The following PKP4 variants were observed in gnomAD, a reference collection of about 807,000 sequenced individuals.
PKP4 encodes the protein plakophilin 4, also known as plakophilin-4.
In PKP4, 90 loss-of-function variants were observed where a neutral mutation model predicts 145.1. The ratio of observed to expected loss-of-function variants is 0.62; its 90% CI spans 0.52 to 0.74. The LOEUF is 0.74. Among genes scored for constraint, PKP4 ranks in the 30% least tolerant of loss-of-function variants. The probability of loss-of-function intolerance (pLI) is 0.00; values close to 1 mark genes in which losing one functional copy is unlikely to be tolerated. For missense variants in PKP4, 1,340 were observed against 1,482.7 expected, an observed-to-expected ratio of 0.90 and a Z score of 1.58; for synonymous variants, 563 against 577.2, an observed-to-expected ratio of 0.98 and a Z score of 0.35.
chr2:158,673,217 G>C (rs1262049712), intron 17 of PKP4, among the ~76,000 whole-genome samples: 1 of 152,192 alleles, frequency 6.6e-6, no homozygotes, highest in Non-Finnish European at 1.5e-5. Flanking sequence ...CTACTTAGAG[G>C]TATGAATGAT....
chr2:158,620,272 ACAC>A (rs2052080468), intron 4 of PKP4, among the ~76,000 whole-genome samples: 4 of 152,214 alleles, frequency 2.6e-5, no homozygotes, highest in Admixed American at 2.6e-4. Context: ...AGCATGATCT[ACAC>A]CACCTAAGTT....
Position 158,621,088 on chromosome 2 carries a change from T to A in PKP4, c.379T>A (p.Ser127Thr), listed in dbSNP as rs1367926348. 2 of 1,614,192 alleles carry A rather than the reference T, an allele frequency of 1.2e-6. No homozygotes were observed. The highest frequency in any genetic ancestry group is 1.7e-5 in the Admixed American group (1 of 60,022). Residue 127 changes from serine to threonine, a missense_variant, in exon 5 of 22, where the codon TCA becomes ACA. Coordinates refer to ENST00000389759, the MANE Select transcript of PKP4 (RefSeq NM_003628.6). The part of the protein sequence containing the change: ...RTEPEQGTLY[S>T]PEQTSLHESE... ...AGAGCCAGAACAAGGAACCCTCTAT[T>A]CACCAGAACAGACATCTCTCCATGA...
chr2:158,604,350 A>C (rs1015642180), intron 4 of PKP4, among the ~76,000 whole-genome samples: 1 of 152,214 alleles, frequency 6.6e-6, no homozygotes, highest in Non-Finnish European at 1.5e-5. Context: ...GAAATTACAG[A>C]GATCTGTAAG....
At position 158,457,756 on chromosome 2, in the gene PKP4, GC is replaced by G. The variant is rs1472751431; in HGVS notation, c.-6+539del. 3.3e-5 allele frequency: 5 copies of G among 153,750 alleles called. No homozygotes were observed. In the Admixed American group the frequency reaches 3.3e-4, roughly 10 times the overall value. 9.5% of individuals were successfully genotyped at this position (153,750 alleles called of 1,614,324 possible). On this transcript the variant is annotated intron_variant, in intron 1 of 21. Transcript: ENST00000389759. ...ACGCCCCTGCTGCCCGCGCGGTCTT[GC>G]GTTTGTCCCCGAAGTCCTGTACTCC...
chr2:158,531,382 A>G (rs926213274), intron 1 of PKP4, among the ~76,000 whole-genome samples: 3 of 152,088 alleles, frequency 2.0e-5, no homozygotes, highest in Non-Finnish European at 4.4e-5. Flanking sequence ...GCATAGTAAC[A>G]TTTTTGTTCT....
chr2:158,479,437 T>C lies in PKP4; in HGVS notation c.-6+22219T>C, dbSNP rs182575079. ...CGGGGTTTTGCCATGTTGCCCAGGC[T>C]GGTCTTGAAATCCTGGACTCAAGCG... On this transcript the variant is annotated intron_variant, in intron 1 of 21. Coordinates refer to ENST00000389759, the MANE Select transcript of PKP4 (RefSeq NM_003628.6). 1.1e-3 allele frequency among the ~76,000 whole-genome samples: 162 copies of C among 152,304 alleles called. 1 individual carries two copies. Among genetic ancestry groups the C allele is most frequent in the African/African-American group, 3.2e-3 (135 of 41,580 alleles).
intron 2 of PKP4, among the ~76,000 whole-genome samples, chr2:158,534,619 G>C (rs2043871973): frequency 6.6e-6 from 1 of 152,204 alleles, no homozygotes; most frequent in Admixed American, 6.5e-5. Context: ...AGTATATACT[G>C]TGTTTTGGTG....
chr2:158,587,777 C>CCCT (rs1304621953), intron 3 of PKP4, among the ~76,000 whole-genome samples: 1 of 151,658 alleles, frequency 6.6e-6, no homozygotes, highest in African/African-American at 2.4e-5. Context: ...AATTCAAGTC[C>CCCT]CCTTTGCCAC....
intron 6 of PKP4, among the ~76,000 whole-genome samples, chr2:158,623,403 A>G (rs2052448018): frequency 6.6e-6 from 1 of 151,938 alleles, no homozygotes; most frequent in South Asian, 2.1e-4. Context: ...GGCTGGTGTC[A>G]AGCTCCTGGC....
In PKP4 at chr2:158,517,858, A is replaced by G. The variant is rs186772246; in HGVS notation, c.-5-15322A>G. Among the ~76,000 whole-genome samples the G allele has an allele frequency of 1.1e-3, 163 of 152,190 alleles. 1 individual carries two copies. The highest frequency in any genetic ancestry group is 3.3e-3 in the African/African-American group (135 of 41,538). ...CTGAGCCTGAGAGGTCAAGGCTGCA[A>G]TGAGCTAAGATCCCACCACTGCATT... On this transcript the variant is annotated intron_variant, in intron 1 of 21. Coordinates refer to ENST00000389759, the MANE Select transcript of PKP4 (RefSeq NM_003628.6).
chr2:158,479,841 A>G (rs1455555949), intron 1 of PKP4, among the ~76,000 whole-genome samples: 1 of 152,218 alleles, frequency 6.6e-6, no homozygotes, highest in Non-Finnish European at 1.5e-5. Flanking sequence ...ATGTGTATCT[A>G]AAGCATTTAT....
chr2:158,574,378 G>C (rs1251766988), intron 2 of PKP4, among the ~76,000 whole-genome samples: 1 of 152,156 alleles, frequency 6.6e-6, no homozygotes, highest in Non-Finnish European at 1.5e-5. Context: ...TTTTTGTTTA[G>C]AGGATAAAAT....
At chr2:158,643,729 G>GAAA (rs371078811) in intron 11 of PKP4, among the ~76,000 whole-genome samples, 7 of 136,098 alleles carry the variant, frequency 5.1e-5, no homozygotes, top group Non-Finnish European at 9.7e-5. Context: ...AAAAAAAAAA[G>GAAA]AAAAGAAAAC....
At chr2:158,468,482 A>G (rs1691004019) in intron 1 of PKP4, among the ~76,000 whole-genome samples, 1 of 152,172 alleles carries the variant, frequency 6.6e-6, no homozygotes, top group Non-Finnish European at 1.5e-5. Context: ...TAGCAGGCAC[A>G]TTTAATTTTC....
intron 4 of PKP4, 93 bp downstream of exon 4, chr2:158,603,197 G>A (rs1031826414): frequency 1.7e-5 from 12 of 686,758 alleles, no homozygotes; most frequent in East Asian, 5.9e-5. Flanking sequence ...AATAAGCCAA[G>A]CAAAGCCTTT....
chr2:158,467,164 A>G (rs1000566833), intron 1 of PKP4, among the ~76,000 whole-genome samples: 2 of 152,166 alleles, frequency 1.3e-5, no homozygotes, highest in African/African-American at 2.4e-5. Flanking sequence ...CCCTTTCCCA[A>G]CCTCACATAA....
chr2:158,528,582 C>A (rs2043186949), intron 1 of PKP4, among the ~76,000 whole-genome samples: 1 of 116,710 alleles, frequency 8.6e-6, no homozygotes, highest in Non-Finnish European at 1.7e-5. Context: ...CACATGTATA[C>A]ATATGTAACT....
chr2:158,599,986 C>T (rs1358202207), intron 3 of PKP4, among the ~76,000 whole-genome samples: 4 of 152,100 alleles, frequency 2.6e-5, no homozygotes, highest in Non-Finnish European at 5.9e-5. Context: ...TTTTTGCCTC[C>T]ATTTGCATCT....
intron 1 of PKP4, among the ~76,000 whole-genome samples, chr2:158,529,734 A>G (rs756560075): frequency 5.3e-5 from 8 of 152,184 alleles, no homozygotes; most frequent in Non-Finnish European, 1.0e-4. Context: ...TTCTTTCCCA[A>G]TATGCTGCTG....
Sources: gnomAD v4.1 joint callset for allele counts (sites outside exome capture counted in the v4.1 genomes callset) on GRCh38, gnomAD v4.1.1 for gene constraint, MANE v1.5 for transcripts, NCBI Gene and HGNC (gene_info 2026-07-23, HGNC 2026-07-21) for gene names.